Variants in ATP6V1H observed in about 807,000 individuals in gnomAD.
ATP6V1H encodes the protein ATPase H+ transporting V1 subunit H, also known as V-type proton ATPase subunit H.
ATP6V1H carries 39 observed loss-of-function variants against 71.7 expected under a neutral mutation model. That is an observed-to-expected ratio of 0.54 (90% CI 0.42 to 0.71). The LOEUF (loss-of-function observed/expected upper bound fraction) is 0.71, where lower values mean the gene tolerates loss of function less well. Ranked by LOEUF, ATP6V1H falls within the 30% of genes least tolerant of loss-of-function variation. The probability of loss-of-function intolerance (pLI) is 0.00; values close to 1 mark genes in which losing one functional copy is unlikely to be tolerated. For missense variants in ATP6V1H, 509 were observed against 594.9 expected (o/e 0.86, Z 1.50); for synonymous variants, 192 against 199.3 (o/e 0.96, Z 0.31).
At chr8:53,790,844 C>T (rs570767564) in intron 9 of ATP6V1H, among the ~76,000 whole-genome samples, 16 of 152,290 alleles carry the variant, frequency 1.1e-4, no homozygotes, top group African/African-American at 3.6e-4. Flanking sequence ...TTATAAACTG[C>T]AGGTTTTAAA....
chr8:53,841,993 T>C (rs1409776743), intron 1 of ATP6V1H, among the ~76,000 whole-genome samples: 1 of 152,204 alleles, frequency 6.6e-6, no homozygotes, highest in Admixed American at 6.5e-5. Context: ...AATCACCTAA[T>C]ATACTGAAAT....
chr8:53,730,790 G>C (rs996291868), intron 13 of ATP6V1H, among the ~76,000 whole-genome samples: 7 of 152,084 alleles, frequency 4.6e-5, no homozygotes, highest in Non-Finnish European at 5.9e-5. Context: ...AGACTCATGA[G>C]AACATTTTTT....
At chr8:53,784,093 T>TC (rs148045166) in intron 9 of ATP6V1H, among the ~76,000 whole-genome samples, 152,244 of 152,308 alleles carry the variant, frequency 1, 76,090 homozygotes, top group Middle Eastern at 1. Flanking sequence ...TTCCTGGATA[T>TC]CTTGTTAACT....
intron 9 of ATP6V1H, among the ~76,000 whole-genome samples, chr8:53,773,255 AATAG>A (rs1371039010): frequency 6.6e-6 from 1 of 152,244 alleles, no homozygotes; most frequent in Non-Finnish European, 1.5e-5. Flanking sequence ...CCTTATTATG[AATAG>A]ATAATGAATA....
chr8:53,761,733 T>A (rs1165054655), intron 11 of ATP6V1H, among the ~76,000 whole-genome samples: 2 of 152,220 alleles, frequency 1.3e-5, no homozygotes, highest in Non-Finnish European at 2.9e-5. Context: ...TAAATGAGAA[T>A]AATGTATCAT....
In ATP6V1H at chr8:53,773,709, C is replaced by T. The variant is rs560893120; in HGVS notation, c.871-1542G>A. 2.0e-5 allele frequency among the ~76,000 whole-genome samples: 3 copies of T among 152,312 alleles called. No individual in the cohort carries two copies. In the South Asian group the frequency reaches 6.2e-4, roughly 32 times the overall value. Reference sequence around the variant, plus strand: ...AGGAGACCCAAATCCTATCTGAATACAGCTCCAGAATGAACCAGATACTAG... The same window carrying T: ...AGGAGACCCAAATCCTATCTGAATATAGCTCCAGAATGAACCAGATACTAG... On this transcript the variant is annotated intron_variant, in intron 9 of 13. Coordinates refer to ENST00000359530, the MANE Select transcript of ATP6V1H (RefSeq NM_015941.4).
In ATP6V1H at chr8:53,750,712, C is replaced by T. The variant is rs117530845; in HGVS notation, c.1277+5843G>A. Among the ~76,000 whole-genome samples, 753 of 152,082 alleles carry T rather than the reference C, an allele frequency of 5.0e-3. 15 individuals are homozygous for T. In the East Asian group the frequency reaches 0.053, roughly 11 times the overall value. ...AAAACTGCAAGAGACAACATTCTGA[C>T]ACTTCATTCCTGAGAAACTTGTAAA... On this transcript the variant is annotated intron_variant, in intron 12 of 13. Coordinates refer to ENST00000359530, the MANE Select transcript of ATP6V1H (RefSeq NM_015941.4).
intron 9 of ATP6V1H, among the ~76,000 whole-genome samples, chr8:53,794,442 T>G (rs1468747813): frequency 1.3e-5 from 2 of 152,198 alleles, no homozygotes; most frequent in Non-Finnish European, 1.5e-5. Flanking sequence ...CTCGGCTCAC[T>G]GCAACCTCCG....
At chr8:53,771,366 T>C (rs1411099646) in intron 10 of ATP6V1H, among the ~76,000 whole-genome samples, 1 of 152,146 alleles carries the variant, frequency 6.6e-6, no homozygotes, top group Non-Finnish European at 1.5e-5. Flanking sequence ...CAAGATATTA[T>C]GTACGAAACA....
At position 53,795,857 on chromosome 8, in the gene ATP6V1H, A is replaced by G. The variant is rs1253344888; in HGVS notation, c.678-18T>C. The G allele has an allele frequency of 3.2e-6, 5 of 1,564,862 alleles. No individual in the cohort carries two copies. Among genetic ancestry groups the G allele is most frequent in the Non-Finnish European group, 4.3e-6 (5 of 1,158,020 alleles). On this transcript the variant is annotated intron_variant, in intron 8 of 13. Coordinates refer to ENST00000359530, the MANE Select transcript of ATP6V1H (RefSeq NM_015941.4). ...CCATTATGCTGAAAAACAAACAAACAAAAAAAACACATTTACAAAACATTT... is the reference window on the plus strand; with the variant it reads ...CCATTATGCTGAAAAACAAACAAACGAAAAAAACACATTTACAAAACATTT...
intron 9 of ATP6V1H, among the ~76,000 whole-genome samples, chr8:53,779,406 A>C (rs988140285): frequency 6.6e-6 from 1 of 151,660 alleles, no homozygotes; most frequent in Non-Finnish European, 1.5e-5. Context: ...TTAACAATGC[A>C]CTCCTATGTA....
chr8:53,837,230 C>T (rs1585842545), intron 2 of ATP6V1H, among the ~76,000 whole-genome samples: 1 of 151,964 alleles, frequency 6.6e-6, no homozygotes. Context: ...ATGTTAGTTA[C>T]CAAGCATGTT....
intron 9 of ATP6V1H, among the ~76,000 whole-genome samples, chr8:53,788,840 A>G (rs909148418): frequency 6.6e-6 from 1 of 152,198 alleles, no homozygotes; most frequent in Non-Finnish European, 1.5e-5. Context: ...TAATTCAGAA[A>G]GCTCCCAAAT....
intron 13 of ATP6V1H, among the ~76,000 whole-genome samples, chr8:53,724,247 T>G (rs1340817150): frequency 6.6e-6 from 1 of 152,206 alleles, no homozygotes; most frequent in Admixed American, 6.5e-5. Context: ...TTCTGAATTA[T>G]CTGCCAGTGG....
intron 4 of ATP6V1H, among the ~76,000 whole-genome samples, chr8:53,821,125 C>A (rs1057376502): frequency 6.7e-6 from 1 of 149,604 alleles, no homozygotes; most frequent in East Asian, 2.0e-4. Context: ...AATTCCAGCA[C>A]TTTGGGAGGC....
At chr8:53,745,803 G>C (rs1008165287) in intron 12 of ATP6V1H, among the ~76,000 whole-genome samples, 4 of 152,180 alleles carry the variant, frequency 2.6e-5, no homozygotes, top group Admixed American at 2.6e-4. Flanking sequence ...GACAACATGG[G>C]ATGGCAGAAC....
chr8:53,723,347 C>T (rs1294643569), intron 13 of ATP6V1H, among the ~76,000 whole-genome samples: 2 of 152,202 alleles, frequency 1.3e-5, no homozygotes, highest in Non-Finnish European at 2.9e-5. Flanking sequence ...CTCCTCACCC[C>T]TGATCCCACC....
intron 4 of ATP6V1H, among the ~76,000 whole-genome samples, chr8:53,826,898 G>A (rs905990588): frequency 2.0e-5 from 3 of 151,800 alleles, no homozygotes; most frequent in Non-Finnish European, 4.4e-5. Context: ...GTTGCGGTGA[G>A]CGGGGGTTGC....
intron 7 of ATP6V1H, among the ~76,000 whole-genome samples, chr8:53,804,567 A>G (rs1341410445): frequency 1.3e-5 from 2 of 152,166 alleles, no homozygotes; most frequent in African/African-American, 4.8e-5. Context: ...TCAGTTACTC[A>G]GGAGGGTCAG....
Sources: allele counts gnomAD v4.1 joint callset (sites outside exome capture counted in the v4.1 genomes callset), GRCh38; gene constraint gnomAD v4.1.1; transcripts MANE v1.5; gene names NCBI Gene and HGNC (gene_info 2026-07-23, HGNC 2026-07-21).